Variants in NR1H4 observed in about 807,000 individuals in gnomAD.
NR1H4 encodes the protein nuclear receptor subfamily 1 group H member 4.
In NR1H4, 23 loss-of-function variants were observed where a neutral mutation model predicts 58.5. That is an observed-to-expected ratio of 0.39 (90% confidence interval 0.28 to 0.56). The LOEUF is 0.56. NR1H4 is among the 20% of genes least tolerant of loss of function. The probability of loss-of-function intolerance (pLI) is 0.58; values close to 1 mark genes in which losing one functional copy is unlikely to be tolerated. For missense variants in NR1H4, 487 were observed against 576.9 expected (o/e 0.84, Z 1.60); for synonymous variants, 214 against 198.0 (o/e 1.08, Z -0.68).
At chr12:100,503,505 CT>C in intron 3 of NR1H4, 3 of 1,588,512 alleles carry the variant, frequency 1.9e-6, no homozygotes, top group Non-Finnish European at 2.6e-6. Flanking sequence ...AGGTAGGACA[CT>C]GTTCACAGGT....
intron 8 of NR1H4, among the ~76,000 whole-genome samples, chr12:100,539,561 A>G (rs2136249280): frequency 6.6e-6 from 1 of 152,252 alleles, no homozygotes; most frequent in South Asian, 2.1e-4. Context: ...TGATGGTGTT[A>G]TCTCTATTCA....
At chr12:100,559,222 G>A (rs1955404305) in intron 9 of NR1H4, among the ~76,000 whole-genome samples, 1 of 152,226 alleles carries the variant, frequency 6.6e-6, no homozygotes, top group African/African-American at 2.4e-5. Flanking sequence ...CGTGCTGGCA[G>A]TCCTCAGAGC....
At chr12:100,548,991 CAG>C (rs1306690266) in intron 9 of NR1H4, among the ~76,000 whole-genome samples, 1 of 152,116 alleles carries the variant, frequency 6.6e-6, no homozygotes, top group Non-Finnish European at 1.5e-5. Context: ...CATCCATCCA[CAG>C]AGAGTTGACT....
chr12:100,520,970 T>C (rs1954401398), intron 4 of NR1H4, among the ~76,000 whole-genome samples: 1 of 152,182 alleles, frequency 6.6e-6, no homozygotes, highest in Non-Finnish European at 1.5e-5. Flanking sequence ...AAAATAGGGA[T>C]ATTATCTATT....
intron 4 of NR1H4, among the ~76,000 whole-genome samples, chr12:100,518,279 C>T (rs1247590724): frequency 6.6e-6 from 1 of 152,046 alleles, no homozygotes; most frequent in Non-Finnish European, 1.5e-5. Context: ...AAGAGAAGCC[C>T]ACAAAGGATA....
intron 4 of NR1H4, among the ~76,000 whole-genome samples, chr12:100,518,782 C>G (rs1207855612): frequency 6.7e-6 from 1 of 149,124 alleles, no homozygotes; most frequent in Non-Finnish European, 1.5e-5. Context: ...TGTTCTTGAC[C>G]AATGACTTTT....
intron 4 of NR1H4, among the ~76,000 whole-genome samples, chr12:100,520,223 G>A (rs892400809): frequency 6.6e-6 from 1 of 152,076 alleles, no homozygotes; most frequent in African/African-American, 2.4e-5. Flanking sequence ...TCCATCAAAG[G>A]GAGCACGGGC....
chr12:100,511,169 C>T lies in NR1H4; in HGVS notation c.445+26C>T, dbSNP rs770527796. 6.2e-6 allele frequency: 10 copies of T among 1,614,046 alleles called. No homozygotes were observed. The South Asian group carries it at 1.1e-4, about 18-fold the overall frequency. On this transcript the variant is annotated intron_variant, in intron 4 of 10. Coordinates refer to ENST00000392986, the MANE Select transcript of NR1H4 (RefSeq NM_001206979.2). ...GTAAGCATCTTTGATTGGCAGTTTT[C>T]TCCTTCAGGTTTTACTATATTGGTT...
At chr12:100,513,451 A>G (rs1326353017) in intron 4 of NR1H4, among the ~76,000 whole-genome samples, 2 of 152,042 alleles carry the variant, frequency 1.3e-5, no homozygotes, top group Non-Finnish European at 2.9e-5. Flanking sequence ...TATGTTAAAG[A>G]TTTTAAAATG....
intron 3 of NR1H4, among the ~76,000 whole-genome samples, chr12:100,501,921 C>A (rs139237095): frequency 6.6e-6 from 1 of 152,266 alleles, no homozygotes; most frequent in African/African-American, 2.4e-5. Context: ...GAGTCCCCTT[C>A]TAAAGCCCTC....
chr12:100,543,952 C>T (rs1954998467), intron 9 of NR1H4, among the ~76,000 whole-genome samples: 1 of 152,068 alleles, frequency 6.6e-6, no homozygotes, highest in African/African-American at 2.4e-5. Flanking sequence ...GCGGTGCTCC[C>T]TTTAAGAAAA....
rs1954106940 is a variant in NR1H4, at chr12:100,511,239, T to C, written c.445+96T>C. ...ATTGCTTCCCTTTTCCCAGGCAACT[T>C]CCCATTTTCTCCTCCTGTGCGCCTA... On this transcript the variant is annotated intron_variant, in intron 4 of 10. Coordinates refer to ENST00000392986, the MANE Select transcript of NR1H4 (RefSeq NM_001206979.2). 3 of 1,477,248 alleles carry C rather than the reference T, an allele frequency of 2.0e-6. No homozygotes were observed. The Admixed American group carries it at 5.0e-5, about 25-fold the overall frequency. The allele number at this position is 1,477,248 out of a possible 1,614,324, so 91.5% of individuals were successfully genotyped here.
chr12:100,493,231 C>G (rs773594296), intron 2 of NR1H4, 39 bp from the exon 3 acceptor site: 2 of 729,866 alleles, frequency 2.7e-6, no homozygotes. Flanking sequence ...CAACCCTTCC[C>G]GCATTCCCAC....
At chr12:100,504,553 A>C (rs1021129181) in intron 3 of NR1H4, among the ~76,000 whole-genome samples, 6 of 152,216 alleles carry the variant, frequency 3.9e-5, no homozygotes, top group African/African-American at 1.4e-4. Context: ...TTTTCCCTCA[A>C]AGAGTTCACA....
intron 2 of NR1H4, 46 bp from the exon 3 acceptor site, chr12:100,493,224 C>T: frequency 1.4e-6 from 1 of 719,504 alleles, no homozygotes. Context: ...TCCTAACCAA[C>T]CCTTCCCGCA....
intron 8 of NR1H4, among the ~76,000 whole-genome samples, chr12:100,538,302 G>A (rs1285264068): frequency 2.0e-5 from 3 of 152,126 alleles, no homozygotes; most frequent in Admixed American, 1.3e-4. Context: ...AGGGTCTGGG[G>A]GCAGGGAAGA....
chr12:100,515,232 A>G (rs968680701), intron 4 of NR1H4, among the ~76,000 whole-genome samples: 1 of 140,180 alleles, frequency 7.1e-6, no homozygotes, highest in Admixed American at 7.7e-5. Context: ...GGGCAATGGC[A>G]TGATCTCCAC....
chr12:100,481,140 A>G (rs1016344328), intron 1 of NR1H4, among the ~76,000 whole-genome samples: 17 of 152,196 alleles, frequency 1.1e-4, no homozygotes, highest in African/African-American at 3.4e-4. Context: ...GACTTTGTGC[A>G]TTGATGAGAG....
chr12:100,501,628 A>G (rs1266092363), intron 3 of NR1H4, among the ~76,000 whole-genome samples: 2 of 152,204 alleles, frequency 1.3e-5, no homozygotes, highest in East Asian at 3.8e-4. Context: ...TGAAGATCTG[A>G]TGAGATAATG....
Sources: allele counts gnomAD v4.1 joint callset (sites outside exome capture counted in the v4.1 genomes callset), GRCh38; gene constraint gnomAD v4.1.1; transcripts MANE v1.5; gene names NCBI Gene and HGNC (gene_info 2026-07-23, HGNC 2026-07-21).